CGNL1: variants seen among roughly 807,000 people sequenced by gnomAD.
The protein encoded by CGNL1 is cingulin like 1.
Under a neutral mutation model 141.2 loss-of-function variants are expected in CGNL1, and 132 were observed. The observed-to-expected ratio is 0.93, with a 90% confidence interval of 0.81 to 1.08. The LOEUF (loss-of-function observed/expected upper bound fraction) is 1.08. Among genes scored for constraint, CGNL1 ranks in the 50% least tolerant of loss-of-function variants. The probability of loss-of-function intolerance (pLI) is 0.00; values close to 1 mark genes in which losing one functional copy is unlikely to be tolerated. For synonymous variants in CGNL1, 690 were observed against 622.1 expected (o/e 1.11, Z -1.63); for missense variants, 1,870 against 1,588.6 (o/e 1.18, Z -3.01).
intron 8 of CGNL1, among the ~76,000 whole-genome samples, chr15:57,516,158 C>CAAAAAAAAAAAAA (rs10559176): frequency 1.4e-5 from 1 of 73,274 alleles, no homozygotes; most frequent in Non-Finnish European, 2.6e-5. Flanking sequence ...GACTCTGTCT[C>CAAAAAAAAAAAAA]AAAAAAAAAA....
chr15:57,412,907 T>A (rs1184908172), intron 1 of CGNL1, among the ~76,000 whole-genome samples: 3 of 152,196 alleles, frequency 2.0e-5, no homozygotes, highest in Non-Finnish European at 4.4e-5. Context: ...TCACCCAGGC[T>A]GGAGTACAGT....
intron 1 of CGNL1, among the ~76,000 whole-genome samples, chr15:57,409,936 G>A (rs980107774): frequency 3.9e-5 from 6 of 152,196 alleles, no homozygotes; most frequent in East Asian, 1.9e-4. Context: ...CTGATGCCTC[G>A]TGTGAGGATC....
intron 8 of CGNL1, among the ~76,000 whole-genome samples, chr15:57,516,034 C>T (rs2030752457): frequency 6.6e-6 from 1 of 151,840 alleles, no homozygotes; most frequent in Admixed American, 6.6e-5. Context: ...TGGCGGGCGC[C>T]TGTAGTCCCA....
Position 57,548,363 on chromosome 15 carries a change from GAAGA to G in CGNL1, c.*874_*877del, listed in dbSNP as rs1464198281. 2 of 152,148 alleles carry G rather than the reference GAAGA, an allele frequency of 1.3e-5. No homozygotes were observed. The highest frequency in any genetic ancestry group is 1.3e-4 in the Admixed American group (2 of 15,276). The allele number at this position is 152,148 out of a possible 1,614,324, so 9.4% of individuals were successfully genotyped here. A position where few individuals can be genotyped will look rare whatever the true frequency, so the allele number is the denominator to read the frequency against. ...TTTAAGTGTTGAGGAGCAGAGGTGA[GAAGA>G]GAGAGAGAGAGAGAAAGTCAAATAA... On this transcript the variant is annotated 3_prime_UTR_variant, in exon 19 of 19. Transcript: ENST00000281282.
chr15:57,439,106 A>T lies in CGNL1; in HGVS notation c.1107A>T (p.Arg369Ser). Reference protein sequence around the residue: ...KFDQKPGLQRRGRSGKRNRIN... With the variant: ...KFDQKPGLQRSGRSGKRNRIN... ...ATCAAAAACCTGGGCTTCAGAGAAG[A>T]GGAAGGTCTGGGAAGCGAAACAGAA... Residue 369 changes from arginine (R) to serine (S), a missense_variant, in exon 2 of 19, where the codon AGA (arginine) becomes AGT (serine). Transcript: ENST00000281282. The T allele has an allele frequency of 6.2e-7, 1 of 1,614,184 alleles. No individual in the cohort carries two copies. Among genetic ancestry groups the T allele is most frequent in the Non-Finnish European group, 8.5e-7 (1 of 1,180,034 alleles).
intron 1 of CGNL1, among the ~76,000 whole-genome samples, chr15:57,417,492 C>G (rs2062861767): frequency 6.6e-6 from 1 of 152,170 alleles, no homozygotes; most frequent in African/African-American, 2.4e-5. Flanking sequence ...CCTTGGCCTC[C>G]TAAAATGCTG....
At chr15:57,539,154 A>G (rs1368501019) in intron 14 of CGNL1, among the ~76,000 whole-genome samples, 1 of 151,746 alleles carries the variant, frequency 6.6e-6, no homozygotes, top group Non-Finnish European at 1.5e-5. Context: ...GTCTTCTGGT[A>G]TTTTTCAGGC....
intron 1 of CGNL1, among the ~76,000 whole-genome samples, chr15:57,384,568 C>G (rs76930725): frequency 6.6e-6 from 1 of 152,158 alleles, no homozygotes; most frequent in African/African-American, 2.4e-5. Flanking sequence ...AACTCACCCA[C>G]GTATTTCTTC....
At position 57,474,003 on chromosome 15, in the gene CGNL1, C is replaced by T. The variant is rs377200411; in HGVS notation, c.2403+12111C>T. 9.4e-5 allele frequency among the ~76,000 whole-genome samples: 14 copies of T among 149,214 alleles called. 1 individual carries two copies. The highest frequency in any genetic ancestry group is 2.0e-4 in the East Asian group (1 of 5,050). On this transcript the variant is annotated intron_variant, in intron 8 of 18. Transcript: ENST00000281282. ...TGGCTCAGTTGCAACCTCTCCCTCC[C>T]GGGTTCAAGCGATTCTCCTGCCTCA... is the stretch of plus-strand genomic sequence containing the variant.
chr15:57,513,274 G>GTA (rs2030491141), intron 8 of CGNL1, among the ~76,000 whole-genome samples: 2 of 148,962 alleles, frequency 1.3e-5, no homozygotes, highest in South Asian at 4.2e-4. Flanking sequence ...GTGTGTGTGT[G>GTA]TGTGTGTGTG....
At chr15:57,462,271 C>G (rs575415497) in intron 8 of CGNL1, among the ~76,000 whole-genome samples, 137 of 152,270 alleles carry the variant, frequency 9.0e-4, no homozygotes, top group Non-Finnish European at 1.5e-3. Flanking sequence ...CAGACGGGAC[C>G]CAGATTCCTG....
At chr15:57,467,949 C>A (rs575972941) in intron 8 of CGNL1, among the ~76,000 whole-genome samples, 2 of 152,156 alleles carry the variant, frequency 1.3e-5, no homozygotes, top group African/African-American at 2.4e-5. Context: ...CTTGGCCTGG[C>A]GAAGTACTGG....
chr15:57,500,923 T>A (rs2064014977), intron 8 of CGNL1, among the ~76,000 whole-genome samples: 1 of 152,186 alleles, frequency 6.6e-6, no homozygotes, highest in African/African-American at 2.4e-5. Flanking sequence ...GAGGCTAGGT[T>A]CTCAGGCCAG....
chr15:57,395,186 A>C (rs953703376), intron 1 of CGNL1, among the ~76,000 whole-genome samples: 2 of 152,252 alleles, frequency 1.3e-5, no homozygotes, highest in Non-Finnish European at 2.9e-5. Flanking sequence ...ACTGCATTAA[A>C]AGATAGTAAA....
intron 13 of CGNL1, among the ~76,000 whole-genome samples, chr15:57,531,405 A>G (rs1326628207): frequency 6.6e-6 from 1 of 152,216 alleles, no homozygotes; most frequent in African/African-American, 2.4e-5. Context: ...AACATGCTCA[A>G]ATATCCTTAG....
At chr15:57,452,799 C>T (rs909180663) in intron 6 of CGNL1, among the ~76,000 whole-genome samples, 1 of 152,056 alleles carries the variant, frequency 6.6e-6, no homozygotes, top group Non-Finnish European at 1.5e-5. Flanking sequence ...GCAAAGGAAT[C>T]GAAAACCAAG....
chr15:57,387,066 C>T (rs1691571722), intron 1 of CGNL1, among the ~76,000 whole-genome samples: 1 of 152,138 alleles, frequency 6.6e-6, no homozygotes, highest in Non-Finnish European at 1.5e-5. Flanking sequence ...ACCCTGGACC[C>T]GTAGAGCAGT....
At chr15:57,543,646 A>G (rs770092410) in intron 14 of CGNL1, 50 bp from the exon 15 acceptor site, 6 of 1,494,318 alleles carry the variant, frequency 4.0e-6, no homozygotes, top group African/African-American at 1.4e-5. Context: ...AGTACAAAAG[A>G]TACAGGAACA....
chr15:57,421,880 C>CT (rs1405444797), intron 1 of CGNL1, among the ~76,000 whole-genome samples: 2 of 152,048 alleles, frequency 1.3e-5, no homozygotes, highest in African/African-American at 4.8e-5. Flanking sequence ...GTTCCCAGGC[C>CT]TAAGTGAAAG....
Sources: gnomAD v4.1 joint callset for allele counts (sites outside exome capture counted in the v4.1 genomes callset) on GRCh38, gnomAD v4.1.1 for gene constraint, MANE v1.5 for transcripts, NCBI Gene and HGNC (gene_info 2026-07-23, HGNC 2026-07-21) for gene names.